The following SPAG16 variants were observed in gnomAD, a reference collection of about 807,000 sequenced individuals.
SPAG16 encodes the protein sperm associated antigen 16.
Under a neutral mutation model 80.4 loss-of-function variants are expected in SPAG16, and 86 were observed. The ratio of observed to expected loss-of-function variants is 1.07; its 90% CI spans 0.90 to 1.28. The LOEUF (loss-of-function observed/expected upper bound fraction) is 1.28, where lower values mean the gene tolerates loss of function less well. SPAG16 is among the 50% of genes most tolerant of loss of function. SPAG16 has a pLI of 0.00. For synonymous variants in SPAG16, 294 were observed against 265.9 expected (o/e 1.11, Z -1.03); for missense variants, 870 against 765.3 (o/e 1.14, Z -1.61).
intron 12 of SPAG16, among the ~76,000 whole-genome samples, chr2:213,949,179 T>TTTTTTTGTTTGTTTTTTTGTTTTTTTG (rs1553677659): frequency 5.5e-5 from 2 of 36,244 alleles, no homozygotes; most frequent in African/African-American, 1.6e-4. Flanking sequence ...GTTTTTTTTT[T>TTTTTTTGTTTGTTTTTTTGTTTTTTTG]TTTTTTTTTT....
At chr2:213,736,607 G>A (rs2067293239) in intron 10 of SPAG16, among the ~76,000 whole-genome samples, 1 of 151,994 alleles carries the variant, frequency 6.6e-6, no homozygotes. Context: ...GTGTTTCACA[G>A]GGGTAATAAA....
chr2:214,128,900 T>A (rs2054620211), intron 14 of SPAG16, among the ~76,000 whole-genome samples: 1 of 151,810 alleles, frequency 6.6e-6, no homozygotes. Flanking sequence ...TAGGGCTAAT[T>A]ACTTCCCCGC....
chr2:213,793,854 A>G (rs2070856392), intron 10 of SPAG16, among the ~76,000 whole-genome samples: 1 of 152,136 alleles, frequency 6.6e-6, no homozygotes, highest in Non-Finnish European at 1.5e-5. Flanking sequence ...TTATCTACCT[A>G]TATAATTTAT....
chr2:213,796,928 TC>T (rs1559476393), intron 10 of SPAG16, among the ~76,000 whole-genome samples: 14 of 151,154 alleles, frequency 9.3e-5, no homozygotes, highest in Non-Finnish European at 1.9e-4. Context: ...ATGTTATTTC[TC>T]CTAAAGACCT....
intron 10 of SPAG16, among the ~76,000 whole-genome samples, chr2:213,800,656 C>A (rs573621145): frequency 1.1e-4 from 16 of 152,238 alleles, no homozygotes; most frequent in African/African-American, 3.9e-4. Flanking sequence ...TTAAAAATAT[C>A]TCTTGACTTA....
intron 10 of SPAG16, among the ~76,000 whole-genome samples, chr2:213,541,647 T>A (rs1476098877): frequency 6.6e-6 from 1 of 151,952 alleles, no homozygotes; most frequent in African/African-American, 2.4e-5. Flanking sequence ...TCTTGAAGAT[T>A]GGAGGAGGTT....
intron 13 of SPAG16, among the ~76,000 whole-genome samples, chr2:214,028,359 A>G (rs560115425): frequency 6.6e-5 from 10 of 152,216 alleles, no homozygotes; most frequent in African/African-American, 1.9e-4. Context: ...CACTTGGCAG[A>G]TAGATGATGG....
chr2:213,806,289 T>C (rs1210599735), intron 10 of SPAG16, among the ~76,000 whole-genome samples: 1 of 152,190 alleles, frequency 6.6e-6, no homozygotes, highest in Non-Finnish European at 1.5e-5. Context: ...TGATAAGAAT[T>C]ATGAATATAA....
At chr2:213,942,324 C>G (rs1418100252) in intron 12 of SPAG16, among the ~76,000 whole-genome samples, 1 of 152,196 alleles carries the variant, frequency 6.6e-6, no homozygotes, top group Non-Finnish European at 1.5e-5. Flanking sequence ...TATCAATTAA[C>G]TTACTACAAT....
At chr2:213,505,722 A>G (rs114696560) in intron 10 of SPAG16, among the ~76,000 whole-genome samples, 1,977 of 152,158 alleles carry the variant, frequency 0.013, 19 homozygotes, top group South Asian at 0.036. Flanking sequence ...CACTTTTCAA[A>G]TACCAAAACA....
At chr2:214,368,853 A>G (rs1699645182) in intron 15 of SPAG16, among the ~76,000 whole-genome samples, 2 of 152,062 alleles carry the variant, frequency 1.3e-5, no homozygotes, top group Admixed American at 6.6e-5. Flanking sequence ...AAATTCTGAA[A>G]TTCCCATTTC....
At chr2:214,165,792 C>T (rs1017651371) in intron 15 of SPAG16, among the ~76,000 whole-genome samples, 2 of 151,970 alleles carry the variant, frequency 1.3e-5, no homozygotes, top group Admixed American at 1.3e-4. Context: ...TAGCATACTG[C>T]TCCACTATTT....
intron 10 of SPAG16, among the ~76,000 whole-genome samples, chr2:213,493,733 A>G (rs1262336877): frequency 6.6e-6 from 1 of 152,068 alleles, no homozygotes; most frequent in African/African-American, 2.4e-5. Flanking sequence ...CTGCCACCAC[A>G]CTTGGCTAAT....
chr2:214,213,159 A>C (rs2058340630), intron 15 of SPAG16, among the ~76,000 whole-genome samples: 1 of 152,198 alleles, frequency 6.6e-6, no homozygotes, highest in African/African-American at 2.4e-5. Context: ...AATCTTTTAA[A>C]ATTGATTTTC....
chr2:213,581,387 T>A (rs927809818), intron 10 of SPAG16, among the ~76,000 whole-genome samples: 2 of 152,188 alleles, frequency 1.3e-5, no homozygotes, highest in South Asian at 4.2e-4. Flanking sequence ...TAGCTAATTT[T>A]AAAATTTTTT....
At chr2:213,487,611 T>A (rs2074042673) in intron 9 of SPAG16, among the ~76,000 whole-genome samples, 1 of 152,120 alleles carries the variant, frequency 6.6e-6, no homozygotes, top group African/African-American at 2.4e-5. Context: ...AATCTTTTTT[T>A]AAATAGTTGT....
At chr2:214,339,210 T>G (rs1435287584) in intron 15 of SPAG16, among the ~76,000 whole-genome samples, 1 of 152,186 alleles carries the variant, frequency 6.6e-6, no homozygotes, top group East Asian at 1.9e-4. Flanking sequence ...CAGAGGTGAC[T>G]GAGTTACCTT....
At chr2:214,050,664 A>G (rs1296792811) in intron 13 of SPAG16, among the ~76,000 whole-genome samples, 1 of 152,176 alleles carries the variant, frequency 6.6e-6, no homozygotes, top group Non-Finnish European at 1.5e-5. Context: ...TAAAAAGCCC[A>G]TATGTTTGCC....
intron 11 of SPAG16, among the ~76,000 whole-genome samples, chr2:213,926,579 AT>A (rs1465551971): frequency 2.0e-5 from 3 of 151,796 alleles, no homozygotes; most frequent in Non-Finnish European, 2.9e-5. Context: ...CCATCCATTG[AT>A]TTCTTAATTT....
Sources: allele counts gnomAD v4.1 joint callset (sites outside exome capture counted in the v4.1 genomes callset), GRCh38; gene constraint gnomAD v4.1.1; transcripts MANE v1.5; gene names NCBI Gene and HGNC (gene_info 2026-07-23, HGNC 2026-07-21).